SVIL: variants seen among roughly 807,000 people sequenced by gnomAD.
SVIL encodes supervillin, also known as archvillin.
Under a neutral mutation model 240.4 loss-of-function variants are expected in SVIL, and 101 were observed. The observed-to-expected ratio is 0.42, with a 90% CI of 0.36 to 0.50. The LOEUF (loss-of-function observed/expected upper bound fraction) is 0.50. Ranked by LOEUF, SVIL falls within the 20% of genes least tolerant of loss-of-function variation. The pLI, the probability that SVIL is intolerant of heterozygous loss-of-function variation, is 0.01. For synonymous variants in SVIL, 999 were observed against 1,100.0 expected (o/e 0.91, Z 1.82); for missense variants, 2,512 against 2,818.7 (o/e 0.89, Z 2.46).
intron 1 of SVIL, among the ~76,000 whole-genome samples, chr10:29,629,139 G>C (rs1310054785): frequency 6.6e-6 from 1 of 152,112 alleles, no homozygotes; most frequent in African/African-American, 2.4e-5. Context: ...ATTTAGAATG[G>C]ATGAAACCTG....
chr10:29,720,730 A>T (rs1176784948), intron 1 of SVIL, among the ~76,000 whole-genome samples: 1 of 152,262 alleles, frequency 6.6e-6, no homozygotes, highest in Non-Finnish European at 1.5e-5. Flanking sequence ...TAAACTGTAC[A>T]ACAATACAAA....
chr10:29,642,821 C>A (rs1442215391), intron 3 of SVIL, among the ~76,000 whole-genome samples: 3 of 152,028 alleles, frequency 2.0e-5, no homozygotes, highest in Non-Finnish European at 4.4e-5. Flanking sequence ...GTAGCTGGGA[C>A]CTCAGGCACA....
chr10:29,707,961 T>TA (rs999773952), intron 1 of SVIL, among the ~76,000 whole-genome samples: 1 of 151,804 alleles, frequency 6.6e-6, no homozygotes, highest in African/African-American at 2.4e-5. Context: ...AAAATAACTT[T>TA]AAAAAAAATG....
intron 3 of SVIL, among the ~76,000 whole-genome samples, chr10:29,562,877 C>T (rs1379733450): frequency 4.0e-5 from 6 of 151,106 alleles, no homozygotes; most frequent in Non-Finnish European, 7.4e-5. Flanking sequence ...TCAGAACTCA[C>T]TGCCCTTGGA....
At chr10:29,488,297 G>A (rs1160692783) in intron 23 of SVIL, among the ~76,000 whole-genome samples, 2 of 152,002 alleles carry the variant, frequency 1.3e-5, no homozygotes, top group African/African-American at 2.4e-5. Flanking sequence ...GGCGCCAGGA[G>A]TAAAAGCTGG....
intron 3 of SVIL, among the ~76,000 whole-genome samples, chr10:29,555,444 C>A (rs1378922585): frequency 6.6e-6 from 1 of 152,110 alleles, no homozygotes; most frequent in East Asian, 1.9e-4. Context: ...AAGACATGCT[C>A]ACTCAACATA....
chr10:29,630,992 C>A lies in SVIL; in HGVS notation c.-201+3428G>T, dbSNP rs187389020. On this transcript the variant is annotated intron_variant, in intron 1 of 37. Coordinates refer to ENST00000355867, the MANE Select transcript of SVIL (RefSeq NM_021738.3). ...TACCCTGCTGCCAAGGAAAGGGCCA[C>A]CAGGACCTAGTGACTGCAGCCCTAG... Among the ~76,000 whole-genome samples, 100 of 152,290 alleles carry A rather than the reference C, an allele frequency of 6.6e-4. No individual in the cohort carries two copies. In the South Asian group the frequency reaches 0.012, roughly 18 times the overall value.
chr10:29,705,830 T>G (rs75340603), intron 1 of SVIL, among the ~76,000 whole-genome samples: 1 of 152,366 alleles, frequency 6.6e-6, no homozygotes, highest in Non-Finnish European at 1.5e-5. Context: ...TTCCTTTTTA[T>G]GCCTGCATAG....
At chr10:29,506,787 G>A (rs543674831) in intron 17 of SVIL, among the ~76,000 whole-genome samples, 8 of 150,688 alleles carry the variant, frequency 5.3e-5, no homozygotes, top group African/African-American at 1.5e-4. Flanking sequence ...AAGGACAGAG[G>A]CCCTATGAGG....
rs146446036 is a variant in SVIL at position 29,529,705 on chromosome 10, G to A, written c.2246C>T (p.Thr749Ile). The part of the protein sequence containing the change: ...ITTEEVVIAA[T>I]EPIPASCSGG... ...GCTGAGAAGTCCTGTGGGCACTTAC[G>A]TGGCTGCGATGACCACCTCTTCAGT... The change falls in exon 12 of 38, where the codon ACT becomes ATT. Residue 749 changes from threonine (T) to isoleucine (I), a missense_variant and splice_region_variant. Around this residue, in one of 3 missense-constraint regions of SVIL, gnomAD observed 1,443 missense variants for 1,486.6 expected, o/e 0.97. Transcript: ENST00000355867. 58 of 1,600,078 alleles carry A rather than the reference G, an allele frequency of 3.6e-5. No individual in the cohort carries two copies. The African/African-American group carries it at 6.9e-4, about 19-fold the overall frequency.
rs970808912 is a variant in SVIL, at chr10:29,527,016, C to T, written c.2287G>A (p.Val763Ile). The stretch of plus-strand genomic sequence containing the variant: ...GTGGGGCTAGGAAGTCTCGCCATTA[C>T]AGGGTGGGTGCCCCCAGAACACGAA... ...PASCSGGTHP[V>I]MARLPSPTVA... Residue 763 changes from valine (V) to isoleucine (I), a missense_variant, in exon 13 of 38, where the codon GTA (valine) becomes ATA (isoleucine). Val to Ile is a conservative substitution (Grantham distance 29). Coordinates refer to ENST00000355867, the MANE Select transcript of SVIL (RefSeq NM_021738.3). 6.2e-7 allele frequency: 1 copy of T among 1,613,470 alleles called. No individual in the cohort carries two copies. The highest frequency in any genetic ancestry group is 8.5e-7 in the Non-Finnish European group (1 of 1,179,778).
At chr10:29,590,860 C>T (rs1449163796) in intron 1 of SVIL, among the ~76,000 whole-genome samples, 10 of 152,188 alleles carry the variant, frequency 6.6e-5, no homozygotes, top group Non-Finnish European at 8.8e-5. Context: ...CACTATACCT[C>T]CCCCTGGTGG....
At chr10:29,562,284 T>C (rs12267267) in intron 3 of SVIL, among the ~76,000 whole-genome samples, 46,446 of 152,150 alleles carry the variant, frequency 0.31, 7,387 homozygotes, top group African/African-American at 0.39. Flanking sequence ...ATCATTTCAC[T>C]GGTAACACTA....
intron 29 of SVIL, among the ~76,000 whole-genome samples, chr10:29,474,635 A>AAAT (rs1484178325): frequency 1.5e-5 from 2 of 131,700 alleles, no homozygotes; most frequent in African/African-American, 2.8e-5. Context: ...ATAAATAAAT[A>AAAT]AATAAATAAA....
intron 17 of SVIL, among the ~76,000 whole-genome samples, chr10:29,499,876 G>T (rs1249831500): frequency 6.6e-6 from 1 of 152,250 alleles, no homozygotes; most frequent in African/African-American, 2.4e-5. Context: ...ATCTGATGTT[G>T]AGGGTGAACT....
intron 17 of SVIL, among the ~76,000 whole-genome samples, chr10:29,506,613 A>AGAGGGAGGGGACAGAGGCCCTG (rs1564534620): frequency 9.0e-5 from 13 of 144,322 alleles, no homozygotes; most frequent in African/African-American, 3.2e-4. Context: ...ACAAGGCCCT[A>AGAGGGAGGGGACAGAGGCCCTG]GAGGGAGGGG....
intron 3 of SVIL, among the ~76,000 whole-genome samples, chr10:29,652,259 G>C (rs12765748): frequency 1.3e-5 from 2 of 152,246 alleles, no homozygotes; most frequent in South Asian, 4.1e-4. Context: ...TTGTGTCTAT[G>C]GATTTGCCTG....
intron 16 of SVIL, among the ~76,000 whole-genome samples, chr10:29,519,573 GA>G (rs896819430): frequency 6.6e-6 from 1 of 152,166 alleles, no homozygotes; most frequent in African/African-American, 2.4e-5. Flanking sequence ...AGCTATCATG[GA>G]TGAATTGTAA....
At chr10:29,501,437 G>A (rs982428014) in intron 17 of SVIL, among the ~76,000 whole-genome samples, 1 of 150,256 alleles carries the variant, frequency 6.7e-6, no homozygotes, top group African/African-American at 2.4e-5. Context: ...GGGAAGAGAA[G>A]GCAAGAAAGT....
Sources: allele counts gnomAD v4.1 joint callset (sites outside exome capture counted in the v4.1 genomes callset), GRCh38; gene constraint gnomAD v4.1.1; regional missense constraint gnomAD v4.1.1; transcripts MANE v1.5; gene names NCBI Gene and HGNC (gene_info 2026-07-23, HGNC 2026-07-21).